KIF13B: variants seen among roughly 807,000 people sequenced by gnomAD.
KIF13B encodes kinesin-like protein KIF13B.
In KIF13B, 127 loss-of-function variants were observed where a neutral mutation model predicts 222.0. The observed-to-expected ratio is 0.57, with a 90% CI of 0.50 to 0.66. The LOEUF (loss-of-function observed/expected upper bound fraction) is 0.66. Among genes scored for constraint, KIF13B ranks in the 30% least tolerant of loss-of-function variants. The pLI is 0.00. For missense variants in KIF13B, 2,173 were observed against 2,379.0 expected (o/e 0.91, Z 1.80); for synonymous variants, 976 against 919.0 (o/e 1.06, Z -1.12).
intron 2 of KIF13B, among the ~76,000 whole-genome samples, chr8:29,207,468 A>T (rs1160591619): frequency 1.3e-5 from 2 of 152,070 alleles, no homozygotes; most frequent in Admixed American, 6.5e-5. Flanking sequence ...GGTGCCTGAC[A>T]TCATCTGGTG....
At chr8:29,106,001 T>A (rs1809050702) in intron 35 of KIF13B, among the ~76,000 whole-genome samples, 1 of 152,124 alleles carries the variant, frequency 6.6e-6, no homozygotes, top group African/African-American at 2.4e-5. Flanking sequence ...TTCAAGGAAC[T>A]TATAATTGGA....
At chr8:29,139,536 A>T (rs1222313112) in intron 21 of KIF13B, among the ~76,000 whole-genome samples, 1 of 152,230 alleles carries the variant, frequency 6.6e-6, no homozygotes, top group Non-Finnish European at 1.5e-5. Context: ...GCGAAGTCTT[A>T]CAGAAAGCAG....
intron 19 of KIF13B, among the ~76,000 whole-genome samples, chr8:29,141,772 A>G (rs1810828025): frequency 6.6e-6 from 1 of 152,222 alleles, no homozygotes; most frequent in African/African-American, 2.4e-5. Flanking sequence ...TACAAAACAT[A>G]TATTGTAGGT....
chr8:29,165,237 G>T (rs188069079), intron 12 of KIF13B, among the ~76,000 whole-genome samples: 4 of 152,024 alleles, frequency 2.6e-5, no homozygotes, highest in Admixed American at 2.6e-4. Context: ...TACTTTCACT[G>T]GGTTTTCACA....
Position 29,083,738 on chromosome 8 carries a change from A to AT in KIF13B, c.4459-8396dup, listed in dbSNP as rs772248978. Among the ~76,000 whole-genome samples, 7 of 151,940 alleles carry AT rather than the reference A, an allele frequency of 4.6e-5. No homozygotes were observed. The East Asian group carries it at 9.7e-4, about 21-fold the overall frequency. ...ACTGAACAGAAATCAGTTGCCCTGA[A>AT]TTTTTTTTTAAAAACTCTTTGTTAA... On this transcript the variant is annotated intron_variant, in intron 37 of 39. Transcript: ENST00000524189.
chr8:29,141,350 A>T (rs1194410003), intron 19 of KIF13B, among the ~76,000 whole-genome samples: 1 of 151,886 alleles, frequency 6.6e-6, no homozygotes, highest in Non-Finnish European at 1.5e-5. Context: ...AAAAAAGGTG[A>T]GCCCCTATGG....
intron 14 of KIF13B, among the ~76,000 whole-genome samples, chr8:29,155,483 G>A (rs1407531235): frequency 1.3e-5 from 2 of 152,168 alleles, no homozygotes; most frequent in Non-Finnish European, 2.9e-5. Flanking sequence ...GAGGCAGCTC[G>A]TGGTGTTGGC....
At chr8:29,081,632 A>G (rs1408758970) in intron 37 of KIF13B, among the ~76,000 whole-genome samples, 1 of 152,248 alleles carries the variant, frequency 6.6e-6, no homozygotes, top group East Asian at 1.9e-4. Flanking sequence ...TACAGTTGAT[A>G]TGACAGTATT....
chr8:29,223,164 CAA>C (rs375009923), intron 2 of KIF13B, among the ~76,000 whole-genome samples: 9 of 113,144 alleles, frequency 8.0e-5, no homozygotes, highest in Non-Finnish European at 1.3e-4. Flanking sequence ...CAAAAAAATA[CAA>C]AAAAAAAAAA....
intron 24 of KIF13B, among the ~76,000 whole-genome samples, chr8:29,129,614 G>C (rs538134875): frequency 6.6e-6 from 1 of 151,856 alleles, no homozygotes; most frequent in African/African-American, 2.4e-5. Context: ...CATAGAATAT[G>C]GCAGTCTCCT....
At chr8:29,211,673 A>C (rs755204983) in intron 2 of KIF13B, among the ~76,000 whole-genome samples, 4 of 152,192 alleles carry the variant, frequency 2.6e-5, no homozygotes, top group Non-Finnish European at 5.9e-5. Context: ...AGTACTGAGG[A>C]AGCATGTGTA....
chr8:29,167,892 AC>A (rs1199412866), intron 10 of KIF13B, among the ~76,000 whole-genome samples: 3 of 152,226 alleles, frequency 2.0e-5, no homozygotes, highest in Non-Finnish European at 2.9e-5. Flanking sequence ...GCAAGATGAT[AC>A]CACAAGAACA....
Position 29,071,862 on chromosome 8 carries a change from A to T in KIF13B, c.4976T>A (p.Phe1659Tyr), listed in dbSNP as rs538052005. The change falls in exon 39 of 40, where the codon TTC (phenylalanine) becomes TAC (tyrosine). Residue 1659 changes from phenylalanine (F) to tyrosine (Y), a missense_variant. By Grantham distance (22) the Phe-to-Tyr change is conservative (BLOSUM62 3). Transcript: ENST00000524189. The surrounding 1 kb of genome is among the most constrained non-coding windows in gnomAD (Gnocchi z 4.9). ...GGGGTCCCCAGCCAGCATGCGCGAG[A>T]AGGAGCGCAACTCCGAGGCCCGCAC... is the stretch of plus-strand genomic sequence containing the variant. ...RRVRASELRSFSRMLAGDPGC... is the reference protein window; with the variant it reads ...RRVRASELRSYSRMLAGDPGC... 15 of 1,536,498 alleles carry T rather than the reference A, an allele frequency of 9.8e-6. 1 individual carries two copies. The South Asian group carries it at 1.2e-4, about 12-fold the overall frequency.
chr8:29,085,785 G>T (rs1354495004), intron 37 of KIF13B, among the ~76,000 whole-genome samples: 2 of 117,070 alleles, frequency 1.7e-5, no homozygotes, highest in African/African-American at 6.9e-5. Context: ...AAGAGGTTGA[G>T]GCCACAGTGT....
chr8:29,127,265 GC>G lies in KIF13B; in HGVS notation c.3078del (p.Gln1027SerfsTer9). On this transcript the variant is annotated frameshift_variant and splice_region_variant, in exon 25 of 40. Transcript: ENST00000524189. LOFTEE classifies it high-confidence loss of function. ...ACTTCGACTTGAACTCTCCGGGACT[GC>G]CCCTGGGTCACAGACAATTTAGAGT... ...PTGGIFQLRQ[G>X]QSRRVQVEVK... 1.2e-6 allele frequency: 2 copies of G among 1,612,360 alleles called. No homozygotes were observed. Among genetic ancestry groups the G allele is most frequent in the Non-Finnish European group, 1.7e-6 (2 of 1,179,140 alleles).
In KIF13B at chr8:29,177,887, C is replaced by T. The variant is rs186379550; in HGVS notation, c.721-309G>A. Among the ~76,000 whole-genome samples the T allele has an allele frequency of 1.9e-4, 29 of 152,274 alleles. No homozygotes were observed. The East Asian group carries it at 5.2e-3, about 27-fold the overall frequency. On this transcript the variant is annotated intron_variant, in intron 8 of 39. Coordinates refer to ENST00000524189, the MANE Select transcript of KIF13B (RefSeq NM_015254.4). ...TTGCACCTCTGCATTCCAACCTGAG[C>T]GACACAGTGAGACCCTGTCTCTTAA...
In KIF13B at chr8:29,068,745, CA is replaced by C; in HGVS notation, c.*1758del. 1 of 152,502 alleles carries C rather than the reference CA, an allele frequency of 6.6e-6. No homozygotes were observed. The highest frequency in any genetic ancestry group is 1.5e-5 in the Non-Finnish European group (1 of 68,206). The allele number at this position is 152,502 out of a possible 1,614,324, so 9.4% of individuals were successfully genotyped here. Reference sequence around the variant, plus strand: ...CAGGCCATAGTGACACCAGCGGACCCAAAAACAAACTTCTCAGTGAAACAGG... The same window carrying C: ...CAGGCCATAGTGACACCAGCGGACCCAAAACAAACTTCTCAGTGAAACAGG... On this transcript the variant is annotated 3_prime_UTR_variant, in exon 40 of 40. Transcript: ENST00000524189. This position sits in a 1 kb window ranked among gnomAD's most constrained non-coding sequence, Gnocchi z 4.4.
intron 37 of KIF13B, among the ~76,000 whole-genome samples, chr8:29,078,127 C>CAAAAAGAAAAAAAAAA (rs1807648355): frequency 1.3e-5 from 1 of 74,306 alleles, no homozygotes; most frequent in Non-Finnish European, 2.5e-5. Flanking sequence ...TACTAAAATC[C>CAAAAAGAAAAAAAAAA]AAAAAAAAAA....
intron 6 of KIF13B, 99 bp from the exon 7 acceptor site, chr8:29,182,105 A>G: frequency 1.2e-6 from 1 of 834,680 alleles, no homozygotes; most frequent in South Asian, 1.9e-5. Flanking sequence ...TCCAAGAAAG[A>G]CCCCAAATAA....
Sources: allele counts gnomAD v4.1 joint callset (sites outside exome capture counted in the v4.1 genomes callset), GRCh38; gene constraint gnomAD v4.1.1; non-coding constraint Gnocchi (gnomAD v3.1); transcripts MANE v1.5; gene names NCBI Gene and HGNC (gene_info 2026-07-23, HGNC 2026-07-21).